SUSD4: variants seen among roughly 807,000 people sequenced by gnomAD.
SUSD4 encodes sushi domain-containing protein 4.
In SUSD4, 41 loss-of-function variants were observed where a neutral mutation model predicts 50.5. The observed-to-expected ratio is 0.81, with a 90% confidence interval of 0.63 to 1.05. The LOEUF is 1.05. Ranked by LOEUF, SUSD4 falls within the 50% of genes least tolerant of loss-of-function variation. The pLI, the probability that SUSD4 is intolerant of heterozygous loss-of-function variation, is 0.00. For missense variants in SUSD4, 580 were observed against 634.7 expected (o/e 0.91, Z 0.93); for synonymous variants, 257 against 257.3 (o/e 1.00, Z 0.01).
intron 2 of SUSD4, among the ~76,000 whole-genome samples, chr1:223,317,986 T>C (rs1409840317): frequency 9.2e-6 from 1 of 108,848 alleles, no homozygotes; most frequent in Non-Finnish European, 1.9e-5. Context: ...TAGGTATATC[T>C]CCCAATGCTA....
chr1:223,342,744 T>C (rs1373122718), intron 2 of SUSD4, among the ~76,000 whole-genome samples: 8 of 152,184 alleles, frequency 5.3e-5, no homozygotes, highest in South Asian at 2.1e-4. Context: ...AGCACGCAAA[T>C]TGACTAAATG....
At chr1:223,364,472 C>T (rs1669204199), upstream of SUSD4, among the ~76,000 whole-genome samples, 1 of 148,024 alleles carries the variant, frequency 6.8e-6, no homozygotes, top group Non-Finnish European at 1.5e-5. The surrounding 1 kb of genome is among the most constrained non-coding windows in gnomAD (Gnocchi z 4.5). Context: ...AGGGCGGGGA[C>T]GGGGAAAGGG....
intron 3 of SUSD4, among the ~76,000 whole-genome samples, chr1:223,284,604 C>G (rs1379324608): frequency 6.6e-6 from 1 of 152,146 alleles, no homozygotes; most frequent in Non-Finnish European, 1.5e-5. Flanking sequence ...ATGGAATCAA[C>G]CTCGGTATTC....
At position 223,231,805 on chromosome 1, in the gene SUSD4, G is replaced by C. The variant is rs1263720424; in HGVS notation, c.725-2417C>G. On this transcript the variant is annotated intron_variant, in intron 5 of 8. Transcript: ENST00000366878. This position sits in a 1 kb window ranked among gnomAD's most constrained non-coding sequence, Gnocchi z 4.2. ...AGGGGTCTCCAGTGGCCCCGGGACT[G>C]CCTGGGGGCCCCCTTCCCTGCACTG... Among the ~76,000 whole-genome samples, 2 of 152,300 alleles carry C rather than the reference G, an allele frequency of 1.3e-5. No homozygotes were observed. The highest frequency in any genetic ancestry group is 2.4e-5 in the African/African-American group (1 of 41,564).
chr1:223,259,002 C>T (rs1274484469), intron 5 of SUSD4, among the ~76,000 whole-genome samples: 1 of 152,040 alleles, frequency 6.6e-6, no homozygotes, highest in Non-Finnish European at 1.5e-5. Context: ...CACGGGAGGC[C>T]CTGGATAACT....
chr1:223,270,418 T>G (rs1662830923), intron 3 of SUSD4, among the ~76,000 whole-genome samples: 1 of 152,164 alleles, frequency 6.6e-6, no homozygotes, highest in African/African-American at 2.4e-5. Context: ...CTAACAGGCT[T>G]GGGGCACAGC....
intron 2 of SUSD4, among the ~76,000 whole-genome samples, chr1:223,361,400 AAG>A: frequency 6.6e-6 from 1 of 152,220 alleles, no homozygotes; most frequent in South Asian, 2.1e-4. Flanking sequence ...CCTAAAAAGA[AAG>A]AGCTCTGAGA....
At chr1:223,225,641 G>A (rs1029743316) in intron 7 of SUSD4, among the ~76,000 whole-genome samples, 3 of 152,182 alleles carry the variant, frequency 2.0e-5, no homozygotes, top group Non-Finnish European at 4.4e-5. Flanking sequence ...ACTGTCTTGT[G>A]CTGGCCTCCT....
intron 2 of SUSD4, among the ~76,000 whole-genome samples, chr1:223,351,382 C>T (rs2102575699): frequency 6.6e-6 from 1 of 152,324 alleles, no homozygotes; most frequent in Non-Finnish European, 1.5e-5. Context: ...GCCCTCAGTC[C>T]CCACTCTGTC....
intron 2 of SUSD4, among the ~76,000 whole-genome samples, chr1:223,293,875 C>T (rs572553839): frequency 6.6e-6 from 1 of 151,876 alleles, no homozygotes; most frequent in Non-Finnish European, 1.5e-5. Context: ...GAGTTCCAGG[C>T]CCCCCTTTTC....
chr1:223,298,648 G>C (rs1298768901), intron 2 of SUSD4, among the ~76,000 whole-genome samples: 1 of 152,148 alleles, frequency 6.6e-6, no homozygotes, highest in Non-Finnish European at 1.5e-5. Flanking sequence ...CCATAAAGCT[G>C]TTCTCTCTCA....
chr1:223,223,771 C>T (rs1450105643), intron 7 of SUSD4, 140 bp from the exon 8 acceptor site: 1 of 1,085,668 alleles, frequency 9.2e-7, no homozygotes, highest in Non-Finnish European at 1.3e-6. Flanking sequence ...TATGGAAGAA[C>T]CAGCCTCCTT....
In SUSD4 at chr1:223,269,305, A is replaced by C. The variant is rs117289735; in HGVS notation, c.362-630T>G. Among the ~76,000 whole-genome samples, 115 of 152,336 alleles carry C rather than the reference A, an allele frequency of 7.5e-4. 2 individuals carry two copies. In the East Asian group the frequency reaches 0.021, roughly 28 times the overall value. The stretch of plus-strand genomic sequence containing the variant: ...AGCAAGCCACTGTGCTGCCTCCTAA[A>C]AATGGAGTAAGAGCAAAAGGCACGT... On this transcript the variant is annotated intron_variant, in intron 3 of 8. Coordinates refer to ENST00000366878, the MANE Select transcript of SUSD4 (RefSeq NM_017982.4).
chr1:223,295,374 A>T (rs967052869), intron 2 of SUSD4, among the ~76,000 whole-genome samples: 1 of 152,226 alleles, frequency 6.6e-6, no homozygotes, highest in Non-Finnish European at 1.5e-5. Flanking sequence ...GGCTATCCAT[A>T]GGTAAAAGTC....
rs1662994941 is a variant in SUSD4, at chr1:223,272,620, C to T, written c.362-3945G>A. Among the ~76,000 whole-genome samples the T allele has an allele frequency of 2.6e-5, 4 of 152,294 alleles. No homozygotes were observed. In the South Asian group the frequency reaches 8.3e-4, roughly 32 times the overall value. On this transcript the variant is annotated intron_variant, in intron 3 of 8. Transcript: ENST00000366878. ...AAATGAATCCAATTCCTTCAACACA[C>T]CAAGTTTTGACATTAATACTCCCCC... is the stretch of plus-strand genomic sequence containing the variant.
At chr1:223,323,189 GAGGA>G (rs775895920) in intron 2 of SUSD4, among the ~76,000 whole-genome samples, 102 of 151,862 alleles carry the variant, frequency 6.7e-4, no homozygotes, top group Non-Finnish European at 1.3e-3. Flanking sequence ...AAAAAGGAAG[GAGGA>G]AGGAAGGAGG....
intron 3 of SUSD4, among the ~76,000 whole-genome samples, chr1:223,277,304 A>T (rs1331976757): frequency 1.3e-5 from 2 of 150,812 alleles, no homozygotes; most frequent in Non-Finnish European, 3.0e-5. Context: ...AATGGATGAT[A>T]TTTTTTTTTT....
rs140557200 is a variant in SUSD4, at chr1:223,226,659, T to C, written c.1061+935A>G. On this transcript the variant is annotated intron_variant, in intron 7 of 8. Transcript: ENST00000366878. ...CTCCTCCTCCATGAGCAATAGTCCCTTTTTCAGGTACATATGACTCTGGGG... is the reference window on the plus strand; with the variant it reads ...CTCCTCCTCCATGAGCAATAGTCCCCTTTTCAGGTACATATGACTCTGGGG... 6.6e-3 allele frequency among the ~76,000 whole-genome samples: 1,012 copies of C among 152,284 alleles called. 14 individuals carry two copies. Among genetic ancestry groups the C allele is most frequent in the African/African-American group, 0.023 (960 of 41,556 alleles).
At chr1:223,308,220 G>A (rs1434321749) in intron 2 of SUSD4, among the ~76,000 whole-genome samples, 1 of 152,130 alleles carries the variant, frequency 6.6e-6, no homozygotes, top group Non-Finnish European at 1.5e-5. Context: ...GGAGGTGATT[G>A]GATCATGGGG....
Sources: gnomAD v4.1 joint callset for allele counts (sites outside exome capture counted in the v4.1 genomes callset) on GRCh38, gnomAD v4.1.1 for gene constraint, Gnocchi (gnomAD v3.1) non-coding constraint, MANE v1.5 for transcripts, NCBI Gene and HGNC (gene_info 2026-07-23, HGNC 2026-07-21) for gene names.